Variants in ESRP1 observed in about 807,000 individuals in gnomAD.
ESRP1 encodes the protein RNA-binding motif protein 35A.
Under a neutral mutation model 81.7 loss-of-function variants are expected in ESRP1, and 33 were observed. The observed-to-expected ratio is 0.40, with a 90% confidence interval of 0.31 to 0.54. The LOEUF (loss-of-function observed/expected upper bound fraction) is 0.54, where lower values mean the gene tolerates loss of function less well. Among genes scored for constraint, ESRP1 ranks in the 20% least tolerant of loss-of-function variants. ESRP1 has a pLI of 0.41. For synonymous variants in ESRP1, 320 were observed against 303.3 expected, an observed-to-expected ratio of 1.06 and a Z score of -0.57; for missense variants, 672 against 833.1, an observed-to-expected ratio of 0.81 and a Z score of 2.38.
chr8:94,646,158 C>G lies in ESRP1; in HGVS notation c.376-10C>G. 6.6e-7 allele frequency: 1 copy of G among 1,514,426 alleles called. No homozygotes were observed. The highest frequency in any genetic ancestry group is 9.1e-7 in the Non-Finnish European group (1 of 1,095,470). 93.8% of individuals were successfully genotyped at this position (1,514,426 alleles called of 1,614,324 possible). ...ACCTAGTTAACATTATCTACCTTGTCCTTCCTCAGAATGTACTATTACCTG... is the reference window on the plus strand; with the variant it reads ...ACCTAGTTAACATTATCTACCTTGTGCTTCCTCAGAATGTACTATTACCTG... On this transcript the variant is annotated splice_polypyrimidine_tract_variant and intron_variant, in intron 3 of 15. Transcript: ENST00000433389.
chr8:94,702,629 G>A (rs547655714), intron 15 of ESRP1, among the ~76,000 whole-genome samples: 132 of 152,016 alleles, frequency 8.7e-4, no homozygotes, highest in Non-Finnish European at 8.7e-4. Context: ...GACTACAGGC[G>A]CACACCACCA....
In ESRP1 at chr8:94,668,226, G is replaced by T; in HGVS notation, c.1209G>T (p.Arg403Ser). The change falls in exon 10 of 16, where the codon AGG becomes AGT. Residue 403 changes from arginine to serine, a missense_variant. By Grantham distance (110) the Arg-to-Ser change is moderately radical. Transcript: ENST00000433389. ...LLGKRYIELF[R>S]STAAEVQQVL... ...GTAAAAGATACATTGAACTCTTCAG[G>T]AGCACAGCAGCTGAAGTTCAGCAGG... 10 of 1,592,698 alleles carry T rather than the reference G, an allele frequency of 6.3e-6. No homozygotes were observed. The highest frequency in any genetic ancestry group is 1.1e-5 in the South Asian group (1 of 88,778).
intron 14 of ESRP1, among the ~76,000 whole-genome samples, chr8:94,694,358 G>A (rs1166046068): frequency 1.3e-5 from 2 of 152,174 alleles, no homozygotes; most frequent in Admixed American, 6.5e-5. Flanking sequence ...TGTAATCCCA[G>A]CACTTTGGGA....
chr8:94,700,949 G>A (rs1809804272), intron 15 of ESRP1, among the ~76,000 whole-genome samples: 1 of 110,938 alleles, frequency 9.0e-6, no homozygotes, highest in South Asian at 2.7e-4. Context: ...GTGTGTGTGT[G>A]TGTATGTGTG....
chr8:94,692,931 T>TA, intron 14 of ESRP1, 104 bp downstream of exon 14: 1 of 1,253,830 alleles, frequency 8.0e-7, no homozygotes, highest in Non-Finnish European at 1.1e-6. Flanking sequence ...AACTCGTGTG[T>TA]GTATATATGC....
chr8:94,696,549 A>C (rs1418742763), intron 14 of ESRP1, among the ~76,000 whole-genome samples: 14 of 152,224 alleles, frequency 9.2e-5, no homozygotes, highest in African/African-American at 3.4e-4. Context: ...CAGTAGCATG[A>C]AAACAGTACT....
At position 94,671,510 on chromosome 8, in the gene ESRP1, C is replaced by G. The variant is rs750364189; in HGVS notation, c.1291C>G (p.Pro431Ala). The G allele has an allele frequency of 6.2e-7, 1 of 1,613,912 alleles. No homozygotes were observed. The highest frequency in any genetic ancestry group is 8.5e-7 in the Non-Finnish European group (1 of 1,179,858). The change falls in exon 11 of 16, where the codon CCA (proline) becomes GCA (alanine). Residue 431 changes from proline (P) to alanine (A), a missense_variant. Physicochemically the swap from Pro to Ala is conservative, Grantham distance 27. Coordinates refer to ENST00000433389, the MANE Select transcript of ESRP1 (RefSeq NM_017697.4). ...TCCACTTCCAACCCCTCCCATTATT[C>G]CAGTACTACCTCAGCAATTTGTGCC... ...LIPLPTPPII[P>A]VLPQQFVPPT...
At chr8:94,673,948 T>A (rs1406539286) in intron 11 of ESRP1, among the ~76,000 whole-genome samples, 1 of 152,182 alleles carries the variant, frequency 6.6e-6, no homozygotes, top group Admixed American at 6.5e-5. Context: ...CTCAATTGAA[T>A]GAGATTTAAT....
chr8:94,663,939 C>T (rs879858345), intron 6 of ESRP1, among the ~76,000 whole-genome samples: 2 of 152,110 alleles, frequency 1.3e-5, no homozygotes, highest in Non-Finnish European at 2.9e-5. Flanking sequence ...AGACTTCCTA[C>T]CATGCACACA....
chr8:94,665,736 CT>C (rs1818985421), intron 9 of ESRP1, among the ~76,000 whole-genome samples: 1 of 152,198 alleles, frequency 6.6e-6, no homozygotes, highest in Admixed American at 6.5e-5. Flanking sequence ...CAAATTGATC[CT>C]CCTGCCTCAG....
intron 13 of ESRP1, among the ~76,000 whole-genome samples, chr8:94,688,878 C>A (rs1809255026): frequency 6.6e-6 from 1 of 152,088 alleles, no homozygotes; most frequent in Non-Finnish European, 1.5e-5. Flanking sequence ...TTGTCAATTT[C>A]TGTACAAAAG....
At position 94,663,627 on chromosome 8, in the gene ESRP1, G is replaced by A. The variant is rs549056717; in HGVS notation, c.645-1070G>A. Among the ~76,000 whole-genome samples, 276 of 152,262 alleles carry A rather than the reference G, an allele frequency of 1.8e-3. 1 individual carries two copies. Among genetic ancestry groups the A allele is most frequent in the Non-Finnish European group, 3.0e-3 (204 of 68,018 alleles). On this transcript the variant is annotated intron_variant, in intron 6 of 15. Coordinates refer to ENST00000433389, the MANE Select transcript of ESRP1 (RefSeq NM_017697.4). ...TCTGTTAGTGATCGCAGGTAGACCTGTTTGTAAATCACTCTAATGAATTGA... is the reference window on the plus strand; with the variant it reads ...TCTGTTAGTGATCGCAGGTAGACCTATTTGTAAATCACTCTAATGAATTGA...
At chr8:94,668,562 C>T (rs1227630849) in intron 10 of ESRP1, among the ~76,000 whole-genome samples, 1 of 152,156 alleles carries the variant, frequency 6.6e-6, no homozygotes, top group African/African-American at 2.4e-5. Flanking sequence ...GAAGTGCATA[C>T]TTTATCTAGA....
rs374486676 is a variant in ESRP1, at chr8:94,647,135, G to A, written c.490+853G>A. 3.7e-4 allele frequency among the ~76,000 whole-genome samples: 57 copies of A among 152,206 alleles called. 1 individual carries two copies. The highest frequency in any genetic ancestry group is 1.0e-3 in the African/African-American group (43 of 41,518). The stretch of plus-strand genomic sequence containing the variant: ...AAACCTGGTTTTTGTGTTACTTCAC[G>A]ATTTTTTTTCCTGATTGAAGTTTGC... On this transcript the variant is annotated intron_variant, in intron 4 of 15. Transcript: ENST00000433389.
intron 9 of ESRP1, among the ~76,000 whole-genome samples, chr8:94,667,149 C>T (rs1047455554): frequency 2.7e-5 from 4 of 149,534 alleles, no homozygotes; most frequent in Non-Finnish European, 4.4e-5. Flanking sequence ...ATCTCTGCGG[C>T]GGTGTTTGCA....
chr8:94,660,199 A>G lies in ESRP1; in HGVS notation c.491-2073A>G, dbSNP rs199660969. On this transcript the variant is annotated intron_variant, in intron 4 of 15. Coordinates refer to ENST00000433389, the MANE Select transcript of ESRP1 (RefSeq NM_017697.4). ...TAACATAGCTAGAGAGGATAAATCA[A>G]TGCTTTGCTTCAAAAGCTGATTCTC... Among the ~76,000 whole-genome samples, 11 of 152,358 alleles carry G rather than the reference A, an allele frequency of 7.2e-5. No homozygotes were observed. In the East Asian group the frequency reaches 1.3e-3, roughly 19 times the overall value.
intron 13 of ESRP1, among the ~76,000 whole-genome samples, chr8:94,691,583 CT>C (rs1269161203): frequency 1.3e-5 from 2 of 152,166 alleles, no homozygotes; most frequent in African/African-American, 4.8e-5. Flanking sequence ...GTGATTTAAG[CT>C]TGCTGTGCTA....
intron 15 of ESRP1, among the ~76,000 whole-genome samples, chr8:94,697,906 G>A (rs1234396090): frequency 5.3e-5 from 8 of 152,018 alleles, no homozygotes; most frequent in South Asian, 2.1e-4. Flanking sequence ...TCAGCCTCCC[G>A]AGTAGCTGGG....
In ESRP1 at chr8:94,683,816, G is replaced by A. The variant is rs917483366; in HGVS notation, c.1820+5445G>A. Among the ~76,000 whole-genome samples, 3 of 152,140 alleles carry A rather than the reference G, an allele frequency of 2.0e-5. No homozygotes were observed. The East Asian group carries it at 5.8e-4, about 29-fold the overall frequency. On this transcript the variant is annotated intron_variant, in intron 13 of 15. Transcript: ENST00000433389. Reference sequence around the variant, plus strand: ...AATGATGTAAGGGAGAACAACTGCCGTGGGCAACTCACTCTCTCCTACTAG... The same window carrying A: ...AATGATGTAAGGGAGAACAACTGCCATGGGCAACTCACTCTCTCCTACTAG...
Sources: gnomAD v4.1 joint callset for allele counts (sites outside exome capture counted in the v4.1 genomes callset) on GRCh38, gnomAD v4.1.1 for gene constraint, MANE v1.5 for transcripts, NCBI Gene and HGNC (gene_info 2026-07-23, HGNC 2026-07-21) for gene names.